GUCY1A2: variants seen among roughly 807,000 people sequenced by gnomAD.
The protein encoded by GUCY1A2 is guanylate cyclase soluble subunit alpha-2.
GUCY1A2 carries 27 observed loss-of-function variants against 63.5 expected under a neutral mutation model. That is an observed-to-expected ratio of 0.43 (90% CI 0.31 to 0.59). The LOEUF is 0.59. Among genes scored for constraint, GUCY1A2 ranks in the 20% least tolerant of loss-of-function variants. The pLI, the probability that GUCY1A2 is intolerant of heterozygous loss-of-function variation, is 0.11. For missense variants in GUCY1A2, 768 were observed against 913.3 expected (o/e 0.84, Z 2.05); for synonymous variants, 364 against 343.5 (o/e 1.06, Z -0.66).
chr11:106,848,839 A>G (rs2135449122), intron 4 of GUCY1A2, among the ~76,000 whole-genome samples: 1 of 151,750 alleles, frequency 6.6e-6, no homozygotes, highest in South Asian at 2.1e-4. Flanking sequence ...GCTGTATTGT[A>G]TCTTGCACAT....
intron 1 of GUCY1A2, among the ~76,000 whole-genome samples, chr11:107,016,405 G>A (rs1027558606): frequency 6.6e-6 from 1 of 152,216 alleles, no homozygotes; most frequent in African/African-American, 2.4e-5. Context: ...AGCTCTCCCA[G>A]ACACGGTAAG....
intron 4 of GUCY1A2, among the ~76,000 whole-genome samples, chr11:106,840,746 C>T (rs1298195871): frequency 1.3e-5 from 2 of 151,810 alleles, no homozygotes; most frequent in Non-Finnish European, 2.9e-5. Context: ...AGAACACTTG[C>T]CAATTTCCTT....
chr11:106,740,640 C>A lies in GUCY1A2; in HGVS notation c.1837-31974G>T, dbSNP rs554822295. Among the ~76,000 whole-genome samples the A allele has an allele frequency of 3.3e-4, 39 of 119,208 alleles. No homozygotes were observed. In the East Asian group the frequency reaches 8.5e-3, roughly 26 times the overall value. The allele number at this position is 119,208 out of a possible 152,430, so 78.2% of individuals were successfully genotyped here. On this transcript the variant is annotated intron_variant, in intron 6 of 7. Coordinates refer to ENST00000526355, the MANE Select transcript of GUCY1A2 (RefSeq NM_000855.3). ...TCTTCTCTTTACACTCTCCTATGGA[C>A]CATATCACTGTATGTATGTATGTAT... is the stretch of plus-strand genomic sequence containing the variant.
At chr11:106,983,281 T>C (rs1861361173) in intron 2 of GUCY1A2, among the ~76,000 whole-genome samples, 1 of 152,152 alleles carries the variant, frequency 6.6e-6, no homozygotes, top group Admixed American at 6.5e-5. Context: ...TTTCCCCAAC[T>C]TGAATGATCT....
rs1862399940 is a variant in GUCY1A2, at chr11:106,679,646, T to C, written c.*7903A>G. 4.7e-6 allele frequency: 1 copy of C among 213,676 alleles called. No homozygotes were observed. The highest frequency in any genetic ancestry group is 9.4e-6 in the Non-Finnish European group (1 of 105,850). 13.2% of individuals were successfully genotyped at this position (213,676 alleles called of 1,614,324 possible). The stretch of plus-strand genomic sequence containing the variant: ...AATGCTAGCTCAGCCAGGCATGTTA[T>C]AAAAGGAAAAAATATAGTTTGTTTT... On this transcript the variant is annotated 3_prime_UTR_variant, in exon 8 of 8. Coordinates refer to ENST00000526355, the MANE Select transcript of GUCY1A2 (RefSeq NM_000855.3).
intron 4 of GUCY1A2, among the ~76,000 whole-genome samples, chr11:106,819,324 T>C (rs1466859166): frequency 6.6e-6 from 1 of 152,162 alleles, no homozygotes; most frequent in Non-Finnish European, 1.5e-5. Flanking sequence ...CATATTCAAA[T>C]TTTGAAAGCA....
intron 4 of GUCY1A2, among the ~76,000 whole-genome samples, chr11:106,865,078 G>C (rs2135460164): frequency 6.6e-6 from 1 of 152,118 alleles, no homozygotes; most frequent in South Asian, 2.1e-4. Flanking sequence ...TTCGGAACTT[G>C]TTATTGGTCT....
intron 1 of GUCY1A2, among the ~76,000 whole-genome samples, chr11:107,010,985 C>T (rs1398063002): frequency 6.6e-6 from 1 of 152,196 alleles, no homozygotes; most frequent in Non-Finnish European, 1.5e-5. Flanking sequence ...CTGCCTCAGC[C>T]TCCCAAAGTG....
intron 6 of GUCY1A2, among the ~76,000 whole-genome samples, chr11:106,730,058 G>T (rs1863473176): frequency 2.5e-5 from 1 of 39,414 alleles, no homozygotes; most frequent in South Asian, 1.2e-3. Flanking sequence ...AATCAGCATG[G>T]AATATATATA....
chr11:106,957,539 C>T (rs1041260553), intron 3 of GUCY1A2, among the ~76,000 whole-genome samples: 4 of 151,912 alleles, frequency 2.6e-5, no homozygotes. Context: ...GAAGGGGCTT[C>T]CCCTTCCCCG....
At position 106,811,092 on chromosome 11, in the gene GUCY1A2, C is replaced by G. The variant is rs537444158; in HGVS notation, c.1207-614G>C. Reference sequence around the variant, plus strand: ...TTATCAGAAAATATCACTCAACTAGCATGTTCATATAAGCTAAAAATAAAT... The same window carrying G: ...TTATCAGAAAATATCACTCAACTAGGATGTTCATATAAGCTAAAAATAAAT... On this transcript the variant is annotated intron_variant, in intron 4 of 7. Coordinates refer to ENST00000526355, the MANE Select transcript of GUCY1A2 (RefSeq NM_000855.3). Among the ~76,000 whole-genome samples, 10 of 151,984 alleles carry G rather than the reference C, an allele frequency of 6.6e-5. No homozygotes were observed. The South Asian group carries it at 2.1e-3, about 32-fold the overall frequency.
chr11:106,974,770 C>A (rs895557143), intron 3 of GUCY1A2, among the ~76,000 whole-genome samples: 2 of 152,018 alleles, frequency 1.3e-5, no homozygotes, highest in African/African-American at 2.4e-5. Context: ...CAGAGAGAGA[C>A]CTTTAAAACA....
chr11:106,886,474 C>A (rs549844470), intron 4 of GUCY1A2, among the ~76,000 whole-genome samples: 2 of 152,188 alleles, frequency 1.3e-5, no homozygotes, highest in Non-Finnish European at 2.9e-5. Context: ...TCTTCAGTGA[C>A]TCATGCACAA....
chr11:106,718,160 C>T (rs1189202556), intron 6 of GUCY1A2, among the ~76,000 whole-genome samples: 1 of 152,142 alleles, frequency 6.6e-6, no homozygotes, highest in Admixed American at 6.6e-5. Context: ...GTCAACATTA[C>T]AGAAGCACCA....
intron 3 of GUCY1A2, among the ~76,000 whole-genome samples, chr11:106,942,930 C>T (rs192423971): frequency 7.9e-5 from 12 of 152,108 alleles, no homozygotes; most frequent in East Asian, 7.7e-4. Flanking sequence ...GCTAAAGTGA[C>T]GGTTGTATTA....
intron 4 of GUCY1A2, among the ~76,000 whole-genome samples, chr11:106,880,110 C>T (rs1859803753): frequency 6.6e-6 from 1 of 151,966 alleles, no homozygotes; most frequent in Non-Finnish European, 1.5e-5. Flanking sequence ...GAGAATGACC[C>T]TGTATGGCAG....
chr11:106,977,210 C>A (rs547867497), intron 3 of GUCY1A2, among the ~76,000 whole-genome samples: 3 of 152,238 alleles, frequency 2.0e-5, no homozygotes, highest in Non-Finnish European at 4.4e-5. Context: ...CATCACCCCA[C>A]CCCTTGAAAT....
At chr11:106,987,187 T>C (rs964482570) in intron 1 of GUCY1A2, among the ~76,000 whole-genome samples, 1 of 152,208 alleles carries the variant, frequency 6.6e-6, no homozygotes, top group African/African-American at 2.4e-5. Flanking sequence ...GGAATACGAA[T>C]GTAATACAAA....
At chr11:106,842,410 C>A (rs117345451) in intron 4 of GUCY1A2, among the ~76,000 whole-genome samples, 1,956 of 152,086 alleles carry the variant, frequency 0.013, 27 homozygotes, top group South Asian at 0.048. Flanking sequence ...TAGTCCCTTT[C>A]TTTGAGTCAG....
Sources: allele counts gnomAD v4.1 joint callset (sites outside exome capture counted in the v4.1 genomes callset), GRCh38; gene constraint gnomAD v4.1.1; transcripts MANE v1.5; gene names NCBI Gene and HGNC (gene_info 2026-07-23, HGNC 2026-07-21).